Variants in MAML3 observed in about 807,000 individuals in gnomAD.
MAML3 encodes the protein mastermind like transcriptional coactivator 3.
Under a neutral mutation model 101.9 loss-of-function variants are expected in MAML3, and 27 were observed. That is an observed-to-expected ratio of 0.27 (90% CI 0.20 to 0.37). The LOEUF (loss-of-function observed/expected upper bound fraction) is 0.37, where lower values mean the gene tolerates loss of function less well. Ranked by LOEUF, MAML3 falls within the 10% of genes least tolerant of loss-of-function variation. The pLI, the probability that MAML3 is intolerant of heterozygous loss-of-function variation, is 1.00. For synonymous variants in MAML3, 501 were observed against 555.9 expected (o/e 0.90, Z 1.39); for missense variants, 1,316 against 1,444.9 (o/e 0.91, Z 1.45).
intron 2 of MAML3, among the ~76,000 whole-genome samples, chr4:139,791,986 G>C (rs1677876712): frequency 6.6e-6 from 1 of 152,232 alleles, no homozygotes; most frequent in Non-Finnish European, 1.5e-5. Context: ...ATCTCTGTTT[G>C]AACTTAGATC....
intron 1 of MAML3, among the ~76,000 whole-genome samples, chr4:140,008,092 C>T (rs1300934462): frequency 6.6e-6 from 1 of 152,224 alleles, no homozygotes; most frequent in East Asian, 1.9e-4. Flanking sequence ...CGCCTGTAAT[C>T]CCAGCACTTT....
intron 1 of MAML3, among the ~76,000 whole-genome samples, chr4:139,917,179 T>C (rs1398917443): frequency 6.6e-6 from 1 of 152,214 alleles, no homozygotes; most frequent in Non-Finnish European, 1.5e-5. Context: ...AGGTTAGCAG[T>C]AGCAAGATTT....
intron 1 of MAML3, among the ~76,000 whole-genome samples, chr4:140,079,304 A>T (rs533957150): frequency 1.4e-4 from 21 of 152,152 alleles, no homozygotes; most frequent in African/African-American, 3.9e-4. Flanking sequence ...TTTAAAAAAA[A>T]TTTTTTTAGA....
At chr4:139,953,044 A>G (rs1733857432) in intron 1 of MAML3, among the ~76,000 whole-genome samples, 1 of 152,216 alleles carries the variant, frequency 6.6e-6, no homozygotes, top group Admixed American at 6.5e-5. Flanking sequence ...GCACAAAATC[A>G]CTAAGTGATG....
At chr4:140,025,809 A>T (rs572983627) in intron 1 of MAML3, among the ~76,000 whole-genome samples, 4 of 152,226 alleles carry the variant, frequency 2.6e-5, no homozygotes, top group African/African-American at 9.6e-5. Context: ...ACTACATAAA[A>T]TGAGTCTCGG....
chr4:139,829,085 G>T (rs1370179227), intron 2 of MAML3, among the ~76,000 whole-genome samples: 1 of 149,734 alleles, frequency 6.7e-6, no homozygotes, highest in Non-Finnish European at 1.5e-5. Flanking sequence ...AGCAAGGAAG[G>T]AAGGAAGGGG....
At chr4:139,753,112 C>T (rs1313661213) in intron 2 of MAML3, among the ~76,000 whole-genome samples, 2 of 152,206 alleles carry the variant, frequency 1.3e-5, no homozygotes, top group Non-Finnish European at 2.9e-5. Flanking sequence ...GAGAGGGTTA[C>T]ACACCACTCA....
At chr4:139,914,537 G>A (rs1732993955) in intron 1 of MAML3, among the ~76,000 whole-genome samples, 1 of 152,116 alleles carries the variant, frequency 6.6e-6, no homozygotes. Context: ...CTGTAAAGGT[G>A]GCAGGTCTCT....
At chr4:139,964,744 G>C (rs181630320) in intron 1 of MAML3, among the ~76,000 whole-genome samples, 13 of 150,762 alleles carry the variant, frequency 8.6e-5, no homozygotes, top group Admixed American at 7.3e-4. Flanking sequence ...TGTTTTATTG[G>C]TACACAAGAG....
At chr4:140,089,893 G>A (rs1728015613) in intron 1 of MAML3, among the ~76,000 whole-genome samples, 1 of 152,178 alleles carries the variant, frequency 6.6e-6, no homozygotes, top group South Asian at 2.1e-4. Flanking sequence ...AAAGTGCTGG[G>A]ATTCCAGACA....
intron 1 of MAML3, among the ~76,000 whole-genome samples, chr4:140,104,595 T>C (rs974284425): frequency 2.0e-5 from 3 of 148,520 alleles, no homozygotes; most frequent in Admixed American, 1.4e-4. Context: ...TGGGCTCAAG[T>C]GATCCTCTTA....
Position 139,719,438 on chromosome 4 carries a change from G to A in MAML3, c.3302C>T (p.Ala1101Val). 1 of 1,613,994 alleles carries A rather than the reference G, an allele frequency of 6.2e-7. No homozygotes were observed. Among genetic ancestry groups the A allele is most frequent in the South Asian group, 1.1e-5 (1 of 91,080 alleles). Residue 1101 changes from alanine to valine, a missense_variant, in exon 5 of 5, where the codon GCT (alanine) becomes GTT (valine). Coordinates refer to ENST00000509479, the MANE Select transcript of MAML3 (RefSeq NM_018717.5). ...DVSYNYSGDG[A>V]GGSFPGLPDG... Reference sequence around the variant, plus strand: ...CGGGAGGCCAGGGAAGGAACCCCCAGCTCCGTCGCCACTGTAATTGTATGA... The same window carrying A: ...CGGGAGGCCAGGGAAGGAACCCCCAACTCCGTCGCCACTGTAATTGTATGA...
intron 1 of MAML3, among the ~76,000 whole-genome samples, chr4:140,121,351 C>G (rs991825142): frequency 1.3e-5 from 2 of 152,190 alleles, no homozygotes; most frequent in Admixed American, 1.3e-4. Flanking sequence ...ACTATCCCAG[C>G]AACTTTACGA....
At chr4:139,842,170 C>T (rs899937110) in intron 2 of MAML3, among the ~76,000 whole-genome samples, 4 of 152,160 alleles carry the variant, frequency 2.6e-5, no homozygotes, top group Non-Finnish European at 4.4e-5. Flanking sequence ...AGAGCCCACA[C>T]GGAGTACAGA....
At chr4:139,891,828 T>C (rs1314303716) in intron 1 of MAML3, among the ~76,000 whole-genome samples, 1 of 152,250 alleles carries the variant, frequency 6.6e-6, no homozygotes, top group Non-Finnish European at 1.5e-5. Flanking sequence ...AACCTTTTGA[T>C]AGGCTCACTC....
At chr4:140,015,979 A>G (rs1560867356) in intron 1 of MAML3, among the ~76,000 whole-genome samples, 2 of 152,134 alleles carry the variant, frequency 1.3e-5, no homozygotes, top group Non-Finnish European at 2.9e-5. Flanking sequence ...ATAAAGGTAT[A>G]CAGATGAAAA....
chr4:139,975,945 G>A (rs1459676894), intron 1 of MAML3, among the ~76,000 whole-genome samples: 2 of 152,182 alleles, frequency 1.3e-5, no homozygotes, highest in Non-Finnish European at 2.9e-5. Flanking sequence ...AGGGGCAAAA[G>A]AGGAACTGAA....
At chr4:139,897,140 C>T (rs1389641393) in intron 1 of MAML3, among the ~76,000 whole-genome samples, 1 of 152,136 alleles carries the variant, frequency 6.6e-6, no homozygotes, top group Non-Finnish European at 1.5e-5. Flanking sequence ...GATAGTGATG[C>T]TACTATTAAT....
intron 1 of MAML3, among the ~76,000 whole-genome samples, chr4:139,978,611 C>CAAAAAAAGAA (rs1734387484): frequency 8.2e-6 from 1 of 122,262 alleles, no homozygotes; most frequent in Non-Finnish European, 1.8e-5. Context: ...TCAACCACAT[C>CAAAAAAAGAA]AAAAAAAAAG....
Sources: gnomAD v4.1 joint callset for allele counts (sites outside exome capture counted in the v4.1 genomes callset) on GRCh38, gnomAD v4.1.1 for gene constraint, MANE v1.5 for transcripts, NCBI Gene and HGNC (gene_info 2026-07-23, HGNC 2026-07-21) for gene names.